SHOC2: variants seen among roughly 807,000 people sequenced by gnomAD.
The protein encoded by SHOC2 is leucine-rich repeat protein SHOC-2.
SHOC2 carries 4 observed loss-of-function variants against 50.2 expected under a neutral mutation model. The observed-to-expected ratio is 0.08, with a 90% CI of 0.04 to 0.18. The LOEUF is 0.18. SHOC2 is among the 10% of genes least tolerant of loss of function. The pLI is 1.00. For missense variants in SHOC2, 388 were observed against 669.6 expected (o/e 0.58, Z 4.64); for synonymous variants, 218 against 244.5 (o/e 0.89, Z 1.01).
intron 1 of SHOC2, among the ~76,000 whole-genome samples, chr10:110,960,156 C>T (rs1483094829): frequency 2.0e-5 from 3 of 152,220 alleles, no homozygotes; most frequent in Non-Finnish European, 2.9e-5. Context: ...GAAACTATGG[C>T]CTGATGGCCA....
At chr10:110,969,858 A>G (rs1352592752) in intron 2 of SHOC2, among the ~76,000 whole-genome samples, 2 of 152,162 alleles carry the variant, frequency 1.3e-5, no homozygotes, top group East Asian at 1.9e-4. Context: ...CATTTTCTTC[A>G]TTTACAAAGC....
At chr10:110,986,906 G>A (rs932851456) in intron 3 of SHOC2, among the ~76,000 whole-genome samples, 10 of 152,164 alleles carry the variant, frequency 6.6e-5, no homozygotes, top group African/African-American at 4.8e-5. Flanking sequence ...CAATCAATTC[G>A]TGTTCAAGGC....
intron 1 of SHOC2, among the ~76,000 whole-genome samples, chr10:110,943,039 T>G (rs983208850): frequency 3.3e-5 from 5 of 152,216 alleles, no homozygotes; most frequent in African/African-American, 1.2e-4. Context: ...GTCAGCAGTT[T>G]GATAATCATC....
At chr10:110,963,569 TA>T (rs1480371097) in intron 1 of SHOC2, among the ~76,000 whole-genome samples, 4 of 152,186 alleles carry the variant, frequency 2.6e-5, no homozygotes, top group Admixed American at 6.5e-5. Flanking sequence ...TTCTGTTATC[TA>T]AAGCTATCCG....
intron 3 of SHOC2, among the ~76,000 whole-genome samples, chr10:110,996,670 T>C (rs538924102): frequency 7.9e-5 from 12 of 152,346 alleles, no homozygotes; most frequent in Non-Finnish European, 1.5e-4. Flanking sequence ...TAGATAAATA[T>C]GTACTTATTC....
At chr10:110,961,269 T>C (rs1461025602) in intron 1 of SHOC2, among the ~76,000 whole-genome samples, 2 of 152,152 alleles carry the variant, frequency 1.3e-5, no homozygotes, top group East Asian at 3.8e-4. Context: ...CCCCAAAACA[T>C]AGTGGAGTTG....
chr10:110,931,102 T>C (rs1360089965), intron 1 of SHOC2, among the ~76,000 whole-genome samples: 1 of 152,176 alleles, frequency 6.6e-6, no homozygotes, highest in Non-Finnish European at 1.5e-5. Flanking sequence ...CATTTGCTGC[T>C]ATATAAAATA....
chr10:110,940,247 A>G (rs1246285445), intron 1 of SHOC2, among the ~76,000 whole-genome samples: 1 of 152,140 alleles, frequency 6.6e-6, no homozygotes, highest in African/African-American at 2.4e-5. Context: ...TGCCTTTCCT[A>G]ATCTTGTTTC....
At chr10:111,006,659 C>T (rs796910699) in intron 5 of SHOC2, among the ~76,000 whole-genome samples, 17 of 152,204 alleles carry the variant, frequency 1.1e-4, no homozygotes, top group African/African-American at 3.9e-4. Context: ...CGTGAGCCAC[C>T]ACGCCCGGCC....
chr10:111,004,254 A>G (rs1848430559), intron 4 of SHOC2, among the ~76,000 whole-genome samples: 1 of 152,238 alleles, frequency 6.6e-6, no homozygotes, highest in Non-Finnish European at 1.5e-5. Context: ...TCTGCAATGT[A>G]GAAGTTTCAA....
At position 110,964,330 on chromosome 10, in the gene SHOC2, A is replaced by C; in HGVS notation, c.-29A>C. The C allele has an allele frequency of 6.2e-7, 1 of 1,608,650 alleles. No individual in the cohort carries two copies. Among genetic ancestry groups the C allele is most frequent in the Non-Finnish European group, 8.5e-7 (1 of 1,177,264 alleles). ...AATTACTGGAAAATAAAAGGAGTTC[A>C]TGTAGTTTTTGTCCAGGCTTGAGTC... is the stretch of plus-strand genomic sequence containing the variant. On this transcript the variant is annotated 5_prime_UTR_variant, in exon 2 of 9. It removes an upstream start codon present in the reference 5' UTR. Transcript: ENST00000369452. The surrounding 1 kb of genome is among the most constrained non-coding windows in gnomAD (Gnocchi z 4.9).
In SHOC2 at chr10:110,930,735, C is replaced by CTTTTTTT. The variant is rs772553111; in HGVS notation, c.-235+11087_-235+11093dup. ...TTTAAGCAAATATTCACGAGTAAAT[C>CTTTTTTT]TTTTTTTTTTTTTTTGGTAGTGTTT... is the stretch of plus-strand genomic sequence containing the variant. On this transcript the variant is annotated intron_variant, in intron 1 of 8. Transcript: ENST00000369452. Among the ~76,000 whole-genome samples, 15 of 96,804 alleles carry CTTTTTTT rather than the reference C, an allele frequency of 1.5e-4. 1 individual carries two copies. Among genetic ancestry groups the CTTTTTTT allele is most frequent in the Non-Finnish European group, 1.9e-4 (9 of 47,886 alleles). 63.5% of individuals were successfully genotyped at this position (96,804 alleles called of 152,430 possible). A position where few individuals can be genotyped will look rare whatever the true frequency, so the allele number is the denominator to read the frequency against.
At chr10:110,986,569 G>T (rs1337375312) in intron 3 of SHOC2, among the ~76,000 whole-genome samples, 1 of 152,086 alleles carries the variant, frequency 6.6e-6, no homozygotes, top group Non-Finnish European at 1.5e-5. Context: ...CGCCTCCTGG[G>T]TTCATGCGAT....
At position 111,012,408 on chromosome 10, in the gene SHOC2, A is replaced by C. The variant is rs1401314899; in HGVS notation, c.*590A>C. ...CTAAAGAATTTGCATCCACTGGTGT[A>C]AACAGTGAAAGGTATTTGCTTGTTG... On this transcript the variant is annotated 3_prime_UTR_variant, in exon 9 of 9. Coordinates refer to ENST00000369452, the MANE Select transcript of SHOC2 (RefSeq NM_007373.4). 6.5e-6 allele frequency: 1 copy of C among 152,714 alleles called. No individual in the cohort carries two copies. The highest frequency in any genetic ancestry group is 1.5e-5 in the Non-Finnish European group (1 of 68,450). The allele number at this position is 152,714 out of a possible 1,614,324, so 9.5% of individuals were successfully genotyped here.
At chr10:110,962,841 T>A (rs1054391043) in intron 1 of SHOC2, among the ~76,000 whole-genome samples, 1 of 152,214 alleles carries the variant, frequency 6.6e-6, no homozygotes, top group Non-Finnish European at 1.5e-5. Context: ...CCATTCTCAC[T>A]GTTACAAATT....
At chr10:110,934,587 C>T (rs1172765211) in intron 1 of SHOC2, among the ~76,000 whole-genome samples, 1 of 152,082 alleles carries the variant, frequency 6.6e-6, no homozygotes, top group Non-Finnish European at 1.5e-5. Flanking sequence ...TATTTATGTG[C>T]ACATTGCAGT....
At chr10:110,991,621 T>G (rs1442325332) in intron 3 of SHOC2, among the ~76,000 whole-genome samples, 2 of 152,230 alleles carry the variant, frequency 1.3e-5, no homozygotes, top group Non-Finnish European at 2.9e-5. Context: ...ACCATGTTTA[T>G]TAAAATAATT....
intron 1 of SHOC2, among the ~76,000 whole-genome samples, chr10:110,957,537 C>CCT (rs1002028226): frequency 6.7e-6 from 1 of 149,946 alleles, no homozygotes; most frequent in African/African-American, 2.5e-5. Context: ...AAGATACCCC[C>CCT]CCCCCAGCCC....
intron 6 of SHOC2, 45 bp downstream of exon 6, chr10:111,007,698 G>A (rs781680765): frequency 1.0e-5 from 16 of 1,597,626 alleles, no homozygotes; most frequent in South Asian, 7.7e-5. Flanking sequence ...CCTTCCATAC[G>A]TATCTCATTT....
Sources: allele counts gnomAD v4.1 joint callset (sites outside exome capture counted in the v4.1 genomes callset), GRCh38; gene constraint gnomAD v4.1.1; non-coding constraint Gnocchi (gnomAD v3.1); transcripts MANE v1.5; gene names NCBI Gene and HGNC (gene_info 2026-07-23, HGNC 2026-07-21).